Variants in SEC22A observed in about 807,000 individuals in gnomAD.
The protein encoded by SEC22A is vesicle-trafficking protein SEC22a.
In SEC22A, 22 loss-of-function variants were observed where a neutral mutation model predicts 35.3. That is an observed-to-expected ratio of 0.62 (90% CI 0.45 to 0.89). The LOEUF (loss-of-function observed/expected upper bound fraction) is 0.89, where lower values mean the gene tolerates loss of function less well. Among genes scored for constraint, SEC22A ranks in the 40% least tolerant of loss-of-function variants. The probability of loss-of-function intolerance (pLI) is 0.00; values close to 1 mark genes in which losing one functional copy is unlikely to be tolerated. For missense variants in SEC22A, 354 were observed against 362.5 expected (o/e 0.98, Z 0.19); for synonymous variants, 119 against 129.5 (o/e 0.92, Z 0.55).
At chr3:123,268,138 T>C (rs752545784) in intron 6 of SEC22A, among the ~76,000 whole-genome samples, 3 of 152,216 alleles carry the variant, frequency 2.0e-5, no homozygotes, top group Non-Finnish European at 4.4e-5. Flanking sequence ...TTCTAGGCTC[T>C]CAACATTTGA....
At chr3:123,264,515 T>C (rs941197207) in intron 6 of SEC22A, among the ~76,000 whole-genome samples, 1 of 152,196 alleles carries the variant, frequency 6.6e-6, no homozygotes, top group Non-Finnish European at 1.5e-5. Flanking sequence ...TGTGTGGTGA[T>C]AGCTCATTGT....
chr3:123,218,007 T>C (rs1372203520), intron 2 of SEC22A, among the ~76,000 whole-genome samples: 2 of 152,248 alleles, frequency 1.3e-5, no homozygotes, highest in African/African-American at 4.8e-5. Flanking sequence ...TAATTGGTGA[T>C]ATGTAAAATT....
At chr3:123,219,743 G>A (rs1283914969) in intron 2 of SEC22A, among the ~76,000 whole-genome samples, 1 of 152,138 alleles carries the variant, frequency 6.6e-6, no homozygotes, top group Non-Finnish European at 1.5e-5. Context: ...TAAAATATTA[G>A]CTAGGTGAAC....
At chr3:123,249,563 C>T (rs1276525305) in intron 5 of SEC22A, among the ~76,000 whole-genome samples, 1 of 152,040 alleles carries the variant, frequency 6.6e-6, no homozygotes, top group Non-Finnish European at 1.5e-5. Flanking sequence ...CTCATCCTGT[C>T]GCCCAGGCTG....
intron 6 of SEC22A, among the ~76,000 whole-genome samples, chr3:123,260,696 G>T (rs1420127633): frequency 1.3e-5 from 2 of 152,152 alleles, no homozygotes; most frequent in Non-Finnish European, 2.9e-5. Context: ...TTAAGAGTCA[G>T]AACTGCAAAT....
intron 5 of SEC22A, among the ~76,000 whole-genome samples, chr3:123,254,080 A>G (rs1158215836): frequency 6.6e-6 from 1 of 152,122 alleles, no homozygotes; most frequent in Non-Finnish European, 1.5e-5. Context: ...TCCTTTTTTC[A>G]CTTAATATTA....
chr3:123,271,980 A>G lies in SEC22A; in HGVS notation c.*258A>G, dbSNP rs1323637595. 12 of 482,984 alleles carry G rather than the reference A, an allele frequency of 2.5e-5. No individual in the cohort carries two copies. In the East Asian group the frequency reaches 4.0e-4, roughly 16 times the overall value. The allele number at this position is 482,984 out of a possible 1,614,324, so 29.9% of individuals were successfully genotyped here. On this transcript the variant is annotated 3_prime_UTR_variant, in exon 7 of 7. Coordinates refer to ENST00000492595, the MANE Select transcript of SEC22A (RefSeq NM_012430.5). ...GCCGTAACAGTGGAAGAACAGTCAT[A>G]TGCCATTGGAAGTCTTGGCCAGCAG...
At chr3:123,203,494 C>T (rs1179715572) in intron 1 of SEC22A, among the ~76,000 whole-genome samples, 1 of 152,114 alleles carries the variant, frequency 6.6e-6, no homozygotes, top group Non-Finnish European at 1.5e-5. Flanking sequence ...ATCTTTAAAA[C>T]AAGCCTATGA....
At chr3:123,240,316 C>T (rs1208648015) in intron 4 of SEC22A, among the ~76,000 whole-genome samples, 1 of 152,206 alleles carries the variant, frequency 6.6e-6, no homozygotes, top group Non-Finnish European at 1.5e-5. Flanking sequence ...TCAATTTCCA[C>T]CATCCTCTAG....
chr3:123,261,516 A>G (rs2108101330), intron 6 of SEC22A, among the ~76,000 whole-genome samples: 1 of 152,310 alleles, frequency 6.6e-6, no homozygotes, highest in East Asian at 1.9e-4. Context: ...TTTATAATGT[A>G]ATAAAGTTAT....
chr3:123,225,052 A>G (rs1937196481), intron 3 of SEC22A, 51 bp from the exon 4 acceptor site: 2 of 1,181,868 alleles, frequency 1.7e-6, no homozygotes, highest in East Asian at 2.3e-5. Context: ...ATATTCTGAA[A>G]TGATTAATTG....
chr3:123,237,473 G>T (rs1937443319), intron 4 of SEC22A, among the ~76,000 whole-genome samples: 1 of 152,138 alleles, frequency 6.6e-6, no homozygotes, highest in South Asian at 2.1e-4. Flanking sequence ...AGTTAAATGG[G>T]AATATAATAG....
At chr3:123,247,893 T>G (rs1238186344) in intron 5 of SEC22A, among the ~76,000 whole-genome samples, 1 of 152,166 alleles carries the variant, frequency 6.6e-6, no homozygotes, top group Non-Finnish European at 1.5e-5. Context: ...ATCCCAGGTA[T>G]GCGGGGGCCA....
chr3:123,254,872 A>G (rs1027835118), intron 5 of SEC22A, among the ~76,000 whole-genome samples: 1 of 150,158 alleles, frequency 6.7e-6, no homozygotes, highest in South Asian at 2.2e-4. Flanking sequence ...TCCTAATGCT[A>G]TCCCTCCCCC....
intron 2 of SEC22A, among the ~76,000 whole-genome samples, chr3:123,220,870 A>ATATATATATATATATATATATG: frequency 8.5e-6 from 1 of 117,556 alleles, no homozygotes; most frequent in Non-Finnish European, 1.8e-5. Flanking sequence ...AAGGTCTCAT[A>ATATATATATATATATATATATG]TATATATATA....
chr3:123,212,360 A>G (rs1173873863), intron 2 of SEC22A, among the ~76,000 whole-genome samples: 1 of 152,164 alleles, frequency 6.6e-6, no homozygotes, highest in Admixed American at 6.5e-5. Context: ...ATTTTTTTAG[A>G]GGAAAAACTT....
intron 6 of SEC22A, among the ~76,000 whole-genome samples, chr3:123,268,457 C>A (rs1244396483): frequency 6.6e-6 from 1 of 152,118 alleles, no homozygotes; most frequent in Non-Finnish European, 1.5e-5. Context: ...CTCCACAGTT[C>A]AGAGTCTTCT....
intron 5 of SEC22A, among the ~76,000 whole-genome samples, chr3:123,256,758 C>CTT (rs386397801): frequency 6.6e-4 from 55 of 83,550 alleles, no homozygotes; most frequent in South Asian, 1.4e-3. Context: ...TTTTTCTTTC[C>CTT]TTTTTTTTTT....
At chr3:123,259,297 T>C (rs1408074769) in intron 5 of SEC22A, among the ~76,000 whole-genome samples, 1 of 152,144 alleles carries the variant, frequency 6.6e-6, no homozygotes, top group Non-Finnish European at 1.5e-5. Flanking sequence ...GGAATGAAAT[T>C]GATGGGGGTG....
Sources: allele counts gnomAD v4.1 joint callset (sites outside exome capture counted in the v4.1 genomes callset), GRCh38; gene constraint gnomAD v4.1.1; transcripts MANE v1.5; gene names NCBI Gene and HGNC (gene_info 2026-07-23, HGNC 2026-07-21).